LRP1B: variants seen among roughly 807,000 people sequenced by gnomAD.
LRP1B encodes low-density lipoprotein receptor-related protein 1B.
LRP1B carries 217 observed loss-of-function variants against 556.6 expected under a neutral mutation model. That is an observed-to-expected ratio of 0.39 (90% CI 0.35 to 0.44). The LOEUF is 0.44. LRP1B is among the 20% of genes least tolerant of loss of function. The pLI is 1.00. For missense variants in LRP1B, 5,053 were observed against 5,620.8 expected (o/e 0.90, Z 3.23); for synonymous variants, 2,047 against 1,865.8 (o/e 1.10, Z -2.50).
At chr2:141,040,422 A>G (rs1029812382) in intron 11 of LRP1B, among the ~76,000 whole-genome samples, 6 of 152,064 alleles carry the variant, frequency 3.9e-5, no homozygotes, top group Non-Finnish European at 7.4e-5. Flanking sequence ...AAGTTATACA[A>G]TGCTGAAGAT....
intron 1 of LRP1B, among the ~76,000 whole-genome samples, chr2:142,029,421 T>G (rs565589050): frequency 6.6e-6 from 1 of 152,042 alleles, no homozygotes; most frequent in African/African-American, 2.4e-5. Context: ...CAGAACTTAC[T>G]GATGACTTCT....
chr2:140,716,833 G>A lies in LRP1B; in HGVS notation c.5759-17C>T, dbSNP rs1212357420. On this transcript the variant is annotated splice_polypyrimidine_tract_variant and intron_variant, in intron 35 of 90. Transcript: ENST00000389484. ...TATCATTTTCTATGGATAAGACACAGAAAAAAAATACATATACACACACTG... is the reference window on the plus strand; with the variant it reads ...TATCATTTTCTATGGATAAGACACAAAAAAAAAATACATATACACACACTG... 36 of 1,440,876 alleles carry A rather than the reference G, an allele frequency of 2.5e-5. No homozygotes were observed. The highest frequency in any genetic ancestry group is 1.8e-4 in the Middle Eastern group (1 of 5,580). 89.3% of individuals were successfully genotyped at this position (1,440,876 alleles called of 1,614,324 possible).
chr2:141,650,816 G>A lies in LRP1B; in HGVS notation c.205+159463C>T, dbSNP rs144899004. Among the ~76,000 whole-genome samples, 112 of 152,218 alleles carry A rather than the reference G, an allele frequency of 7.4e-4. 1 individual carries two copies. The highest frequency in any genetic ancestry group is 2.5e-3 in the African/African-American group (103 of 41,548). On this transcript the variant is annotated intron_variant, in intron 2 of 90. Transcript: ENST00000389484. ...CCTCAATATCTTTTAGATTTGTGCT[G>A]TTTTCCCACTAATCCCGAATTTATC... is the stretch of plus-strand genomic sequence containing the variant.
chr2:140,525,299 ATTC>A (rs1416192881), intron 49 of LRP1B, among the ~76,000 whole-genome samples: 1 of 151,830 alleles, frequency 6.6e-6, no homozygotes, highest in Non-Finnish European at 1.5e-5. Context: ...GCTGGAAGGC[ATTC>A]TTCTAAGAAT....
At chr2:141,776,094 C>T (rs1051144691) in intron 2 of LRP1B, among the ~76,000 whole-genome samples, 1 of 152,236 alleles carries the variant, frequency 6.6e-6, no homozygotes, top group Admixed American at 6.5e-5. Context: ...GATCTGCCTG[C>T]CTTGGCCTCC....
intron 2 of LRP1B, among the ~76,000 whole-genome samples, chr2:141,605,738 G>T (rs1480045829): frequency 1.3e-5 from 2 of 152,174 alleles, no homozygotes; most frequent in Non-Finnish European, 2.9e-5. Context: ...ACTTTGGAAA[G>T]GTCACCTCAG....
intron 7 of LRP1B, among the ~76,000 whole-genome samples, chr2:141,117,282 T>C (rs1700930063): frequency 6.6e-6 from 1 of 150,736 alleles, no homozygotes; most frequent in African/African-American, 2.4e-5. Context: ...ATTTTAAGTG[T>C]GGTTGAGTTT....
intron 7 of LRP1B, among the ~76,000 whole-genome samples, chr2:141,109,427 A>C (rs1463995686): frequency 6.6e-6 from 1 of 152,202 alleles, no homozygotes; most frequent in Admixed American, 6.5e-5. Context: ...AAAAACATCT[A>C]AGAAATCAAG....
In LRP1B at chr2:140,601,734, T is replaced by C. The variant is rs142035315; in HGVS notation, c.6800-95A>G. Reference sequence around the variant, plus strand: ...CATTTAAGACATACATGTATACCTGTTATTTCATCAACCATTTCTCCACAA... The same window carrying C: ...CATTTAAGACATACATGTATACCTGCTATTTCATCAACCATTTCTCCACAA... On this transcript the variant is annotated intron_variant, in intron 41 of 90. Coordinates refer to ENST00000389484, the MANE Select transcript of LRP1B (RefSeq NM_018557.3). 9 of 670,448 alleles carry C rather than the reference T, an allele frequency of 1.3e-5. No individual in the cohort carries two copies. The East Asian group carries it at 2.4e-4, about 18-fold the overall frequency. The allele number at this position is 670,448 out of a possible 1,614,324, so 41.5% of individuals were successfully genotyped here.
chr2:141,349,005 A>G (rs770224292), intron 3 of LRP1B, among the ~76,000 whole-genome samples: 6 of 152,200 alleles, frequency 3.9e-5, no homozygotes, highest in Admixed American at 6.5e-5. Flanking sequence ...AGGCTTCCCC[A>G]GCCACATGGA....
At chr2:140,427,612 G>A (rs1293609101) in intron 66 of LRP1B, among the ~76,000 whole-genome samples, 1 of 152,096 alleles carries the variant, frequency 6.6e-6, no homozygotes, top group African/African-American at 2.4e-5. Context: ...CGTAAAATGG[G>A]CAAACGGTCT....
intron 25 of LRP1B, among the ~76,000 whole-genome samples, chr2:140,880,421 C>G (rs566703076): frequency 6.6e-6 from 1 of 152,082 alleles, no homozygotes; most frequent in South Asian, 2.1e-4. Context: ...AGAAAAATAG[C>G]TCCTCCCTAA....
intron 9 of LRP1B, among the ~76,000 whole-genome samples, chr2:141,057,269 G>A (rs989289278): frequency 1.3e-5 from 2 of 151,852 alleles, no homozygotes; most frequent in African/African-American, 4.8e-5. Flanking sequence ...AGTCTACAGA[G>A]CCCTACTTGT....
chr2:141,852,035 G>A (rs1898016), intron 1 of LRP1B, among the ~76,000 whole-genome samples: 57,086 of 151,428 alleles, frequency 0.38, 11,083 homozygotes, highest in African/African-American at 0.47. Context: ...AATAAAGTTG[G>A]GATGTCCCCC....
chr2:141,965,049 T>G (rs1478877624), intron 1 of LRP1B, among the ~76,000 whole-genome samples: 2 of 123,174 alleles, frequency 1.6e-5, no homozygotes, highest in African/African-American at 6.2e-5. Flanking sequence ...CTATGAGATA[T>G]CATCTCACAC....
At chr2:140,878,822 C>G (rs1286716207) in intron 25 of LRP1B, among the ~76,000 whole-genome samples, 1 of 151,898 alleles carries the variant, frequency 6.6e-6, no homozygotes, top group Admixed American at 6.6e-5. Context: ...GCCTGGCCAA[C>G]ATGGTGAAAC....
chr2:141,025,750 T>C (rs1266780018), intron 11 of LRP1B, among the ~76,000 whole-genome samples: 1 of 152,102 alleles, frequency 6.6e-6, no homozygotes, highest in Non-Finnish European at 1.5e-5. Flanking sequence ...TCTCTATATA[T>C]ACATTCTGTT....
intron 8 of LRP1B, among the ~76,000 whole-genome samples, chr2:141,059,851 A>C (rs1248275156): frequency 6.6e-6 from 1 of 151,794 alleles, no homozygotes; most frequent in Non-Finnish European, 1.5e-5. Context: ...TTTTCTGAAT[A>C]AAAGGCACAT....
At position 140,700,376 on chromosome 2, in the gene LRP1B, T is replaced by C. The variant is rs2105420364; in HGVS notation, c.6673A>G (p.Ile2225Val). ...YENPRYFKNV[I>V]ALAFDYNQRR... The stretch of plus-strand genomic sequence containing the variant: ...TGATTATAGTCAAAAGCCAAGGCTA[T>C]GACATTCTTGAAATAACGTGGATTC... The change falls in exon 41 of 91, where the codon ATA becomes GTA. Residue 2225 changes from isoleucine (I) to valine (V), a missense_variant. Transcript: ENST00000389484. 5 of 1,613,482 alleles carry C rather than the reference T, an allele frequency of 3.1e-6. No individual in the cohort carries two copies. In the South Asian group the frequency reaches 3.3e-5, roughly 11 times the overall value.
Sources: allele counts gnomAD v4.1 joint callset (sites outside exome capture counted in the v4.1 genomes callset), GRCh38; gene constraint gnomAD v4.1.1; transcripts MANE v1.5; gene names NCBI Gene and HGNC (gene_info 2026-07-23, HGNC 2026-07-21).